The following SPATA3 variants were observed in gnomAD, a reference collection of about 807,000 sequenced individuals.
SPATA3 encodes spermatogenesis-associated protein 3.
Under a neutral mutation model 5.7 loss-of-function variants are expected in SPATA3, and 6 were observed. The ratio of observed to expected loss-of-function variants is 1.06; its 90% CI spans 0.58 to 2.09. The LOEUF is 2.09. SPATA3 is among the 30% of genes most tolerant of loss of function. SPATA3 has a pLI of 0.00. For missense variants in SPATA3, 155 were observed against 130.4 expected (o/e 1.19, Z -0.92); for synonymous variants, 44 against 48.4 (o/e 0.91, Z 0.37).
Position 230,996,849 on chromosome 2 carries a change from G to C in SPATA3, c.791-3517G>C, listed in dbSNP as rs146846296. On this transcript the variant is annotated intron_variant, in intron 1 of 2. Coordinates refer to ENST00000645363, the Ensembl canonical transcript of SPATA3. ...CTGCTAAAAAATAAAAACCAAGGAT[G>C]CATTTATAGAAGTATATGGTTTAGA... 2.7e-3 allele frequency among the ~76,000 whole-genome samples: 407 copies of C among 152,310 alleles called. 9 individuals are homozygous for C. The highest frequency in any genetic ancestry group is 0.023 in the Admixed American group (345 of 15,298).
chr2:230,999,098 T>C (rs576027916), intron 1 of SPATA3, among the ~76,000 whole-genome samples: 1 of 152,346 alleles, frequency 6.6e-6, no homozygotes, highest in East Asian at 1.9e-4. Flanking sequence ...TCCTGATACA[T>C]GGTACAGCCT....
downstream of SPATA3, among the ~76,000 whole-genome samples, chr2:231,005,562 T>C (rs1308735880): frequency 5.3e-4 from 34 of 63,778 alleles, no homozygotes; most frequent in Non-Finnish European, 5.7e-4. Flanking sequence ...ACCACCATCA[T>C]CACCATCATC....
downstream of SPATA3, among the ~76,000 whole-genome samples, chr2:231,003,482 G>T (rs1364968650): frequency 6.6e-6 from 1 of 152,222 alleles, no homozygotes; most frequent in Non-Finnish European, 1.5e-5. Flanking sequence ...GCAAGGGAAG[G>T]AGCTGAGAGG....
intron 6 of SPATA3, among the ~76,000 whole-genome samples, chr2:231,016,715 C>G (rs901476337): frequency 2.2e-4 from 33 of 152,158 alleles, no homozygotes; most frequent in African/African-American, 7.2e-4. Flanking sequence ...AAGGCTAGGT[C>G]CCTTCCCTGG....
rs371919552 is a variant in SPATA3 at position 231,019,028 on chromosome 2, A to G, written c.*566-692A>G. Among the ~76,000 whole-genome samples, 101 of 135,138 alleles carry G rather than the reference A, an allele frequency of 7.5e-4. No homozygotes were observed. The East Asian group carries it at 0.012, about 16-fold the overall frequency. 88.7% of individuals were successfully genotyped at this position (135,138 alleles called of 152,430 possible). Reference sequence around the variant, plus strand: ...GTTGCCCAGGCTGGAGCGCAGTGGCACGATCTCGGCTCACTGCAAGCTCCG... The same window carrying G: ...GTTGCCCAGGCTGGAGCGCAGTGGCGCGATCTCGGCTCACTGCAAGCTCCG... On this transcript the variant is annotated intron_variant, in intron 6 of 8. Coordinates refer to the SPATA3 transcript ENST00000452881.
At chr2:230,999,170 C>A in intron 1 of SPATA3, among the ~76,000 whole-genome samples, 1 of 152,256 alleles carries the variant, frequency 6.6e-6, no homozygotes, top group African/African-American at 2.4e-5. Flanking sequence ...ACCCACACAT[C>A]GAATGATTCT....
intron 2 of SPATA3, among the ~76,000 whole-genome samples, chr2:231,002,053 G>C (rs1041957955): frequency 1.3e-5 from 2 of 152,104 alleles, no homozygotes; most frequent in Non-Finnish European, 2.9e-5. Context: ...GGAGAGACAG[G>C]GTCCATATCT....
rs553187691 is a variant in SPATA3, at chr2:230,997,435, T to A, written c.791-2931T>A. The stretch of plus-strand genomic sequence containing the variant: ...CTCAGATATGTCTTTATCAGCAGTG[T>A]GAAAACAGACAAATACAGGCCCATG... On this transcript the variant is annotated intron_variant, in intron 1 of 2. Transcript: ENST00000645363. Among the ~76,000 whole-genome samples, 2 of 152,180 alleles carry A rather than the reference T, an allele frequency of 1.3e-5. 1 individual carries two copies. The highest frequency in any genetic ancestry group is 3.8e-4 in the East Asian group (2 of 5,200).
At chr2:231,017,882 AAGG>A (rs1692971781) in intron 6 of SPATA3, among the ~76,000 whole-genome samples, 2 of 151,928 alleles carry the variant, frequency 1.3e-5, no homozygotes, top group South Asian at 4.2e-4. Flanking sequence ...CTCTCAGGAG[AAGG>A]AGATTAGAAG....
chr2:230,999,393 A>T (rs1329559379), intron 1 of SPATA3, among the ~76,000 whole-genome samples: 1 of 152,152 alleles, frequency 6.6e-6, no homozygotes, highest in South Asian at 2.1e-4. Flanking sequence ...ATGATATCTC[A>T]ATTTAAAAAC....
chr2:231,005,427 C>T (rs1164383823), downstream of SPATA3, among the ~76,000 whole-genome samples: 3 of 89,442 alleles, frequency 3.4e-5, no homozygotes, highest in African/African-American at 4.3e-5. Context: ...ATCATCACCA[C>T]CACCACCACA....
At chr2:231,014,556 G>C (rs1692879209) in intron 6 of SPATA3, among the ~76,000 whole-genome samples, 1 of 152,124 alleles carries the variant, frequency 6.6e-6, no homozygotes, top group Admixed American at 6.5e-5. Context: ...TGGCTTTGAG[G>C]GGCATCCTGG....
intron 1 of SPATA3, among the ~76,000 whole-genome samples, chr2:230,997,243 C>T (rs1373391035): frequency 5.3e-5 from 8 of 152,198 alleles, no homozygotes; most frequent in Non-Finnish European, 1.2e-4. Context: ...GAATAAGTTT[C>T]ATGAGATCTA....
downstream of SPATA3, among the ~76,000 whole-genome samples, chr2:231,011,881 G>C (rs980771): frequency 0.78 from 119,262 of 152,184 alleles, 47,406 homozygotes; most frequent in African/African-American, 0.92. Flanking sequence ...GGAAGCCTCT[G>C]CATCCCCAGG....
chr2:231,004,999 C>CATCACA (rs1444969830), downstream of SPATA3, among the ~76,000 whole-genome samples: 2 of 81,056 alleles, frequency 2.5e-5, no homozygotes, highest in African/African-American at 6.1e-5. Context: ...CCATCCTCAC[C>CATCACA]ATCATCACCA....
At position 231,000,393 on chromosome 2, in the gene SPATA3, C is replaced by CCT. The variant is rs898108975; in HGVS notation, c.819_820dup (p.Cys274SerfsTer?). On this transcript the variant is annotated frameshift_variant, in exon 2 of 3. Coordinates refer to ENST00000645363, the Ensembl canonical transcript of SPATA3. LOFTEE classifies it high-confidence loss of function. ...CCTCTGATTCGCGCCGGCCCGCATT[C>CCT]CTGCTCCTGTGCCACTTGCCCCTGC... 1 of 1,531,316 alleles carries CCT rather than the reference C, an allele frequency of 6.5e-7. No individual in the cohort carries two copies. The highest frequency in any genetic ancestry group is 8.8e-7 in the Non-Finnish European group (1 of 1,134,318). 94.9% of individuals were successfully genotyped at this position (1,531,316 alleles called of 1,614,324 possible). A position where few individuals can be genotyped will look rare whatever the true frequency, so the allele number is the denominator to read the frequency against.
At chr2:231,000,848 C>G (rs1692327411) in intron 2 of SPATA3, among the ~76,000 whole-genome samples, 1 of 152,200 alleles carries the variant, frequency 6.6e-6, no homozygotes, top group Non-Finnish European at 1.5e-5. Flanking sequence ...AGAACACTCT[C>G]CCCCTCAGCC....
At chr2:230,997,788 A>G (rs1271574638) in intron 1 of SPATA3, among the ~76,000 whole-genome samples, 2 of 152,230 alleles carry the variant, frequency 1.3e-5, no homozygotes, top group African/African-American at 4.8e-5. Flanking sequence ...GGGCTGGTTT[A>G]TACTACTAAC....
downstream of SPATA3, among the ~76,000 whole-genome samples, chr2:231,004,594 G>A (rs1366267213): frequency 2.6e-5 from 4 of 152,156 alleles, no homozygotes; most frequent in African/African-American, 7.2e-5. Flanking sequence ...TCAGGGATGG[G>A]TGGATGCTGG....
Sources: allele counts gnomAD v4.1 joint callset (sites outside exome capture counted in the v4.1 genomes callset), GRCh38; gene constraint gnomAD v4.1.1; transcripts MANE v1.5; gene names NCBI Gene and HGNC (gene_info 2026-07-23, HGNC 2026-07-21).